The following SMAP1 variants were observed in gnomAD, a reference collection of about 807,000 sequenced individuals.
The protein encoded by SMAP1 is stromal membrane-associated protein 1.
SMAP1 carries 24 observed loss-of-function variants against 58.5 expected under a neutral mutation model. The ratio of observed to expected loss-of-function variants is 0.41; its 90% CI spans 0.30 to 0.58. The LOEUF is 0.58. SMAP1 is among the 20% of genes least tolerant of loss of function. The pLI, the probability that SMAP1 is intolerant of heterozygous loss-of-function variation, is 0.29. For synonymous variants in SMAP1, 216 were observed against 196.6 expected (o/e 1.10, Z -0.82); for missense variants, 563 against 566.3 (o/e 0.99, Z 0.06).
chr6:70,674,624 A>G (rs894344347), intron 1 of SMAP1, among the ~76,000 whole-genome samples: 19 of 152,176 alleles, frequency 1.2e-4, no homozygotes, highest in African/African-American at 4.6e-4. Context: ...ATAAATCAAT[A>G]TTTTCTGGGC....
chr6:70,805,331 G>A lies in SMAP1; in HGVS notation c.576+6594G>A, dbSNP rs187849999. On this transcript the variant is annotated intron_variant, in intron 6 of 10. Coordinates refer to ENST00000370455, the MANE Select transcript of SMAP1 (RefSeq NM_001044305.3). ...TGTGCATGCGTCACAAAGTTCTCGT[G>A]CCATGGCTTTCAGCTCCATCAGGTC... Among the ~76,000 whole-genome samples, 3 of 152,198 alleles carry A rather than the reference G, an allele frequency of 2.0e-5. No individual in the cohort carries two copies. The East Asian group carries it at 5.8e-4, about 29-fold the overall frequency.
chr6:70,742,751 A>G (rs1300487633), intron 2 of SMAP1, among the ~76,000 whole-genome samples: 1 of 152,208 alleles, frequency 6.6e-6, no homozygotes, highest in African/African-American at 2.4e-5. Flanking sequence ...AGTAATTTAT[A>G]AAGAAAAAGA....
At chr6:70,752,793 A>T (rs138236149) in intron 2 of SMAP1, among the ~76,000 whole-genome samples, 1 of 152,138 alleles carries the variant, frequency 6.6e-6, no homozygotes, top group Non-Finnish European at 1.5e-5. Flanking sequence ...TAAGCTTACC[A>T]ATATATTTTT....
intron 4 of SMAP1, among the ~76,000 whole-genome samples, chr6:70,784,911 A>G (rs1189490230): frequency 6.6e-6 from 1 of 152,188 alleles, no homozygotes; most frequent in African/African-American, 2.4e-5. Context: ...GAAAGTTAAC[A>G]AGGATACCCA....
chr6:70,693,833 T>C (rs552820416), intron 1 of SMAP1: 1 of 152,386 alleles, frequency 6.6e-6, no homozygotes, highest in Non-Finnish European at 1.5e-5. Flanking sequence ...GGTTAAAAAT[T>C]TAAGGGGTTT....
intron 1 of SMAP1, among the ~76,000 whole-genome samples, chr6:70,708,030 ATAAC>A (rs1767906766): frequency 6.6e-6 from 1 of 152,168 alleles, no homozygotes; most frequent in Non-Finnish European, 1.5e-5. Flanking sequence ...ACTGCAGTGT[ATAAC>A]TATAGTCCTT....
chr6:70,685,818 G>C (rs1365272226), intron 1 of SMAP1, among the ~76,000 whole-genome samples: 2 of 152,222 alleles, frequency 1.3e-5, no homozygotes, highest in East Asian at 1.9e-4. Flanking sequence ...GGATGAAGTA[G>C]AATCGTCCCA....
At chr6:70,846,132 A>G (rs1330928409) in intron 7 of SMAP1, among the ~76,000 whole-genome samples, 1 of 152,196 alleles carries the variant, frequency 6.6e-6, no homozygotes, top group African/African-American at 2.4e-5. Context: ...GTAAGTAGGA[A>G]GAGGACTGAA....
intron 2 of SMAP1, among the ~76,000 whole-genome samples, chr6:70,733,363 T>A (rs748940174): frequency 4.6e-5 from 7 of 152,196 alleles, no homozygotes; most frequent in Admixed American, 4.6e-4. Context: ...TTAAATTAGT[T>A]TTTGAGCTTT....
At chr6:70,717,272 A>G (rs1355916437) in intron 1 of SMAP1, among the ~76,000 whole-genome samples, 2 of 152,210 alleles carry the variant, frequency 1.3e-5, no homozygotes, top group Admixed American at 6.5e-5. Flanking sequence ...GATCTGTGGC[A>G]GATGCCTGCA....
At chr6:70,766,587 G>T (rs1172263011) in intron 3 of SMAP1, among the ~76,000 whole-genome samples, 3 of 152,056 alleles carry the variant, frequency 2.0e-5, no homozygotes, top group Non-Finnish European at 4.4e-5. Flanking sequence ...ACTTTTTGAT[G>T]GGGTGGTTTG....
At chr6:70,802,316 ATTG>A (rs1768898662) in intron 6 of SMAP1, among the ~76,000 whole-genome samples, 1 of 149,322 alleles carries the variant, frequency 6.7e-6, no homozygotes, top group South Asian at 2.1e-4. Context: ...GCTCTCTGTC[ATTG>A]TTGTATTGGA....
intron 3 of SMAP1, among the ~76,000 whole-genome samples, 191 bp downstream of exon 3, chr6:70,755,256 A>T (rs1461429357): frequency 6.6e-6 from 1 of 152,052 alleles, no homozygotes; most frequent in African/African-American, 2.4e-5. Context: ...CACACAGATT[A>T]CATAATTACA....
chr6:70,835,833 G>A (rs1414596941), intron 6 of SMAP1, among the ~76,000 whole-genome samples: 1 of 152,126 alleles, frequency 6.6e-6, no homozygotes, highest in Non-Finnish European at 1.5e-5. Flanking sequence ...TAGTTTATTA[G>A]AAGTAGGCTT....
At chr6:70,788,208 C>T (rs375697872) in intron 4 of SMAP1, among the ~76,000 whole-genome samples, 89 of 147,182 alleles carry the variant, frequency 6.0e-4, no homozygotes, top group East Asian at 4.6e-3. Flanking sequence ...GGACAAGAAA[C>T]GAAACACCAC....
chr6:70,810,943 ACT>A (rs1769361149), intron 6 of SMAP1, among the ~76,000 whole-genome samples: 4 of 152,158 alleles, frequency 2.6e-5, no homozygotes, highest in Non-Finnish European at 4.4e-5. Flanking sequence ...GTAAGACTCT[ACT>A]TAAAGTTTAT....
chr6:70,779,393 C>G (rs1441483635), intron 4 of SMAP1, among the ~76,000 whole-genome samples: 3 of 152,180 alleles, frequency 2.0e-5, no homozygotes, highest in Non-Finnish European at 4.4e-5. Flanking sequence ...GCAGCAGCAG[C>G]TTGGTCCCAG....
At chr6:70,841,469 T>A (rs1479142447) in intron 7 of SMAP1, among the ~76,000 whole-genome samples, 7 of 131,148 alleles carry the variant, frequency 5.3e-5, no homozygotes, top group Non-Finnish European at 1.1e-4. Context: ...ATCTTGGTAA[T>A]GAAAATCTAG....
rs770297359 is a variant in SMAP1 at position 70,732,327 on chromosome 6, ATTTTTG to A, written c.119-45_119-40del. 3.2e-6 allele frequency: 5 copies of A among 1,564,036 alleles called. No homozygotes were observed. In the South Asian group the frequency reaches 6.0e-5, roughly 19 times the overall value. The stretch of plus-strand genomic sequence containing the variant: ...ATGCTTCTAATATGCTGTTATGTTT[ATTTTTG>A]TTTTTAACATTTGCTTTTTTTTGTG... On this transcript the variant is annotated intron_variant, in intron 1 of 10. Transcript: ENST00000370455.
Sources: gnomAD v4.1 joint callset for allele counts (sites outside exome capture counted in the v4.1 genomes callset) on GRCh38, gnomAD v4.1.1 for gene constraint, MANE v1.5 for transcripts, NCBI Gene and HGNC (gene_info 2026-07-23, HGNC 2026-07-21) for gene names.